ADGRV1: variants seen among roughly 807,000 people sequenced by gnomAD.
The protein encoded by ADGRV1 is adhesion G protein-coupled receptor V1.
In ADGRV1, 359 loss-of-function variants were observed where a neutral mutation model predicts 596.2. The observed-to-expected ratio is 0.60, with a 90% CI of 0.55 to 0.66. The LOEUF is 0.66. Among genes scored for constraint, ADGRV1 ranks in the 30% least tolerant of loss-of-function variants. ADGRV1 has a pLI of 0.00. For missense variants in ADGRV1, 7,274 were observed against 7,575.6 expected (o/e 0.96, Z 1.48); for synonymous variants, 2,681 against 2,679.2 (o/e 1.00, Z -0.02).
rs773901506 is a variant in ADGRV1, at chr5:90,628,616, G to A, written c.1293G>A (p.Ala431=). The A allele has an allele frequency of 8.1e-6, 13 of 1,613,776 alleles. No individual in the cohort carries two copies. Among genetic ancestry groups the A allele is most frequent in the African/African-American group, 4.0e-5 (3 of 74,928 alleles). Residue 431 remains alanine, a synonymous_variant, in exon 8 of 90, where the codon GCG becomes GCA. Transcript: ENST00000405460. ...GAGGAACCCATGGGAATGTCTCTGC[G>A]AATTGGGTGTTGACACGGAACAGCA... The part of the protein sequence containing the change: ...RNGGTHGNVS[A]NWVLTRNSTD...
intron 85 of ADGRV1, among the ~76,000 whole-genome samples, chr5:91,049,891 T>G (rs759371652): frequency 3.9e-5 from 6 of 152,168 alleles, no homozygotes; most frequent in Non-Finnish European, 7.4e-5. Context: ...CTGGAATCAA[T>G]GCACCACAAA....
chr5:91,006,856 A>C (rs1031711531), intron 85 of ADGRV1, among the ~76,000 whole-genome samples: 1 of 152,058 alleles, frequency 6.6e-6, no homozygotes. Flanking sequence ...GGACATTTTC[A>C]TATCTTTGTA....
intron 1 of ADGRV1, among the ~76,000 whole-genome samples, chr5:90,590,094 T>C (rs1327746683): frequency 2.0e-5 from 3 of 152,216 alleles, no homozygotes; most frequent in Non-Finnish European, 1.5e-5. Context: ...TAAATAATTA[T>C]AAGAATTAAA....
chr5:90,558,978 C>T, intron 1 of ADGRV1, 61 bp downstream of exon 1: 3 of 1,452,898 alleles, frequency 2.1e-6, no homozygotes, highest in Non-Finnish European at 9.3e-7. Context: ...AGCGCCTCAG[C>T]ATCAGCACCT....
intron 1 of ADGRV1, among the ~76,000 whole-genome samples, chr5:90,593,480 TGG>T (rs757214839): frequency 7.6e-4 from 115 of 152,228 alleles, no homozygotes; most frequent in Non-Finnish European, 1.5e-3. Flanking sequence ...GGGATAGCAC[TGG>T]GAGAAATACC....
At position 90,692,638 on chromosome 5, in the gene ADGRV1, G is replaced by A; in HGVS notation, c.6985G>A (p.Gly2329Arg). 1 of 1,610,882 alleles carries A rather than the reference G, an allele frequency of 6.2e-7. No homozygotes were observed. The highest frequency in any genetic ancestry group is 8.5e-7 in the Non-Finnish European group (1 of 1,178,552). The part of the protein sequence containing the change: ...IQVQLTDASG[G>R]GTIGLDRIAN... ...AGTGCAACTAACTGATGCCTCTGGT[G>A]GAGGTACTATTGGGTTAGATCGAAT... The change falls in exon 32 of 90, where the codon GGA (glycine) becomes AGA (arginine). Residue 2329 changes from glycine to arginine, a missense_variant. Gly to Arg is a moderately radical substitution (Grantham distance 125). Around this residue, in one of 5 missense-constraint regions of ADGRV1, gnomAD observed 3,643 missense variants for 3,809.2 expected, o/e 0.96. Transcript: ENST00000405460.
chr5:90,644,859 T>C lies in ADGRV1; in HGVS notation c.2888T>C (p.Leu963Pro), dbSNP rs1286732739. Reference protein sequence around the residue: ...EFSKNITIYSLPDEIPEEMEE... With the variant: ...EFSKNITIYSPPDEIPEEMEE... ...TCAAAAAATATCACCATTTACTCCC[T>C]TCCAGATGAGGTAAATATTGCATAT... The change falls in exon 15 of 90, where the codon CTT becomes CCT. Residue 963 changes from leucine (L) to proline (P), a missense_variant. Physicochemically the swap from Leu to Pro is moderately conservative, Grantham distance 98. This residue lies in a region of ADGRV1 where 1,715 missense variants were observed against 1,708.8 expected (regional missense o/e 1.00). Transcript: ENST00000405460. 5 of 1,593,956 alleles carry C rather than the reference T, an allele frequency of 3.1e-6. No homozygotes were observed. In the East Asian group the frequency reaches 1.1e-4, roughly 36 times the overall value.
At chr5:90,956,677 T>C (rs1777511234) in intron 83 of ADGRV1, among the ~76,000 whole-genome samples, 3 of 152,210 alleles carry the variant, frequency 2.0e-5, no homozygotes, top group Non-Finnish European at 4.4e-5. Flanking sequence ...GAAGGTACTT[T>C]ATGTACTTCT....
chr5:91,041,983 A>G (rs1442669855), intron 85 of ADGRV1, among the ~76,000 whole-genome samples: 1 of 152,182 alleles, frequency 6.6e-6, no homozygotes, highest in Non-Finnish European at 1.5e-5. Context: ...GCCCTCCACT[A>G]GGAAGTATTT....
At chr5:90,919,535 T>G (rs1273774592) in intron 83 of ADGRV1, among the ~76,000 whole-genome samples, 1 of 152,216 alleles carries the variant, frequency 6.6e-6, no homozygotes, top group African/African-American at 2.4e-5. Context: ...GAAATTAAAG[T>G]TGTTCCTCAA....
In ADGRV1 at chr5:90,968,115, A is replaced by G. The variant is rs1778640638; in HGVS notation, c.17973+2584A>G. On this transcript the variant is annotated intron_variant, in intron 84 of 89. Transcript: ENST00000405460. ...ATTTAGGTAAATGTGATGGCTGTCT[A>G]CAAATACCGGAAGGGCTACTGCAGG... Among the ~76,000 whole-genome samples the G allele has an allele frequency of 3.9e-5, 6 of 152,196 alleles. No homozygotes were observed. The South Asian group carries it at 1.0e-3, about 26-fold the overall frequency.
At chr5:91,045,719 GAGGAGGT>G (rs1217574337) in intron 85 of ADGRV1, among the ~76,000 whole-genome samples, 2 of 152,240 alleles carry the variant, frequency 1.3e-5, no homozygotes, top group East Asian at 3.9e-4. Flanking sequence ...AATCAGTAAA[GAGGAGGT>G]CAAACTGTTG....
intron 83 of ADGRV1, among the ~76,000 whole-genome samples, chr5:90,916,733 C>T (rs796147079): frequency 0.014 from 2,005 of 145,180 alleles, 47 homozygotes; most frequent in African/African-American, 0.049. Flanking sequence ...CCCGGGTTCA[C>T]GCCATTCTCC....
At chr5:90,646,176 T>G in intron 16 of ADGRV1, 85 bp downstream of exon 16, 20 of 836,160 alleles carry the variant, frequency 2.4e-5, no homozygotes, top group South Asian at 3.9e-5. Flanking sequence ...ATATATACAT[T>G]TATATGCACG....
At chr5:90,690,485 G>A (rs1746322552) in intron 30 of ADGRV1, among the ~76,000 whole-genome samples, 1 of 152,242 alleles carries the variant, frequency 6.6e-6, no homozygotes, top group South Asian at 2.1e-4. Flanking sequence ...GAACCAAATA[G>A]CAACTGCCCC....
chr5:90,911,955 G>A (rs1428392979), intron 83 of ADGRV1, among the ~76,000 whole-genome samples: 3 of 152,020 alleles, frequency 2.0e-5, no homozygotes, highest in Non-Finnish European at 4.4e-5. Flanking sequence ...CAGCATAAAA[G>A]CAGCATGTCA....
rs1581225593 is a variant in ADGRV1 at position 90,820,303 on chromosome 5, T to C, written c.16197-3122T>C. On this transcript the variant is annotated intron_variant, in intron 75 of 89. Coordinates refer to ENST00000405460, the MANE Select transcript of ADGRV1 (RefSeq NM_032119.4). Reference sequence around the variant, plus strand: ...CCTCCATCCTTTTATTTTGAGCCTATGTGTGTCTCTGCACGTGAGATGGGT... The same window carrying C: ...CCTCCATCCTTTTATTTTGAGCCTACGTGTGTCTCTGCACGTGAGATGGGT... Among the ~76,000 whole-genome samples, 3 of 145,618 alleles carry C rather than the reference T, an allele frequency of 2.1e-5. No homozygotes were observed. In the East Asian group the frequency reaches 6.1e-4, roughly 29 times the overall value.
chr5:90,954,630 A>C (rs1777321618), intron 83 of ADGRV1, among the ~76,000 whole-genome samples: 1 of 152,152 alleles, frequency 6.6e-6, no homozygotes, highest in South Asian at 2.1e-4. Flanking sequence ...ATATTTGTGC[A>C]TATGTTGCAT....
intron 83 of ADGRV1, among the ~76,000 whole-genome samples, chr5:90,895,986 G>A (rs1035106491): frequency 6.6e-6 from 1 of 151,416 alleles, no homozygotes; most frequent in Non-Finnish European, 1.5e-5. Flanking sequence ...GTTTAGGAGG[G>A]CCAATGGGGG....
Sources: gnomAD v4.1 joint callset for allele counts (sites outside exome capture counted in the v4.1 genomes callset) on GRCh38, gnomAD v4.1.1 for gene constraint, gnomAD v4.1.1 regional missense constraint, MANE v1.5 for transcripts, NCBI Gene and HGNC (gene_info 2026-07-23, HGNC 2026-07-21) for gene names.